The following LAMB2 variants were observed in gnomAD, a reference collection of about 807,000 sequenced individuals.
LAMB2 encodes the protein laminin subunit beta-2.
Under a neutral mutation model 202.7 loss-of-function variants are expected in LAMB2, and 119 were observed. That is an observed-to-expected ratio of 0.59 (90% CI 0.51 to 0.68). LAMB2 has a LOEUF of 0.68. Among genes scored for constraint, LAMB2 ranks in the 30% least tolerant of loss-of-function variants. The pLI, the probability that LAMB2 is intolerant of heterozygous loss-of-function variation, is 0.00. For synonymous variants in LAMB2, 818 were observed against 902.2 expected (o/e 0.91, Z 1.67); for missense variants, 2,124 against 2,410.6 (o/e 0.88, Z 2.49).
In LAMB2 at chr3:49,132,587, CG is replaced by C; in HGVS notation, c.152del (p.Thr51ArgfsTer12). On this transcript the variant is annotated frameshift_variant, in exon 2 of 32. Transcript: ENST00000305544. LOFTEE classifies it high-confidence loss of function. The surrounding 1 kb of genome is among the most constrained non-coding windows in gnomAD (Gnocchi z 4.6). ...GCSRGSCYPA[T>X]GDLLVGRADR... The stretch of plus-strand genomic sequence containing the variant: ...CAGCTCGGCCCACCAGCAGGTCGCC[CG>C]TGGCGGGGTAGCAGCTTCCCCTGGA... 1 of 1,613,732 alleles carries C rather than the reference CG, an allele frequency of 6.2e-7. No homozygotes were observed. Among genetic ancestry groups the C allele is most frequent in the Non-Finnish European group, 8.5e-7 (1 of 1,180,016 alleles).
rs2045456802 is a variant in LAMB2, at chr3:49,129,303, G to A, written c.1540C>T (p.His514Tyr). The change falls in exon 12 of 32, where the codon CAC becomes TAC. Residue 514 changes from histidine to tyrosine, a missense_variant. Around this residue, in one of 3 missense-constraint regions of LAMB2, gnomAD observed 1,702 missense variants for 1,896.3 expected, o/e 0.90. Coordinates refer to ENST00000305544, the MANE Select transcript of LAMB2 (RefSeq NM_002292.4). This position sits in a 1 kb window ranked among gnomAD's most constrained non-coding sequence, Gnocchi z 6.1. The stretch of plus-strand genomic sequence containing the variant: ...CAGGGGCGGCAGCCGAGCAGGTCGT[G>A]GCTCAGGCCCCAGTGGCCAGGCTGC... ...RCLPGHWGLS[H>Y]DLLGCRPCDC... 4 of 1,613,148 alleles carry A rather than the reference G, an allele frequency of 2.5e-6. No individual in the cohort carries two copies. Among genetic ancestry groups the A allele is most frequent in the Non-Finnish European group, 3.4e-6 (4 of 1,179,670 alleles).
rs1283128849 is a variant in LAMB2 at position 49,131,167 on chromosome 3, G to A, written c.713-15C>T. ...CTTCAACAGGTCTGAGGCGGGGGAA[G>A]GGGGGCCAACTGACCAGGCAGGCCC... is the stretch of plus-strand genomic sequence containing the variant. On this transcript the variant is annotated splice_polypyrimidine_tract_variant and intron_variant, in intron 6 of 31. Coordinates refer to ENST00000305544, the MANE Select transcript of LAMB2 (RefSeq NM_002292.4). This position sits in a 1 kb window ranked among gnomAD's most constrained non-coding sequence, Gnocchi z 5.0. The A allele has an allele frequency of 2.5e-6, 4 of 1,611,838 alleles. No individual in the cohort carries two copies. The South Asian group carries it at 4.4e-5, about 18-fold the overall frequency.
At chr3:49,122,443 G>A (rs949884074) in intron 27 of LAMB2, 73 bp from the exon 28 acceptor site, 1 of 1,382,952 alleles carries the variant, frequency 7.2e-7, no homozygotes, top group Non-Finnish European at 1.0e-6. Context: ...TTTGGGGTAT[G>A]GACTCAGGAC....
chr3:49,123,815 T>A lies in LAMB2; in HGVS notation c.3710A>T (p.Lys1237Met). The A allele has an allele frequency of 6.2e-7, 1 of 1,613,276 alleles. No individual in the cohort carries two copies. Among genetic ancestry groups the A allele is most frequent in the Non-Finnish European group, 8.5e-7 (1 of 1,179,940 alleles). Residue 1237 changes from lysine to methionine, a missense_variant, in exon 24 of 32, where the codon AAG becomes ATG. Physicochemically the swap from Lys to Met is moderately conservative, Grantham distance 95. This residue lies in a region of LAMB2 where 1,702 missense variants were observed against 1,896.3 expected (regional missense o/e 0.90). Transcript: ENST00000305544. ...FESSFWHMQE[K>M]LGIVQGIVGA... ...TACGATGCCCTGCACAATGCCCAGC[T>A]TCTCCTGCATGTGCCAGAAGCTGCT...
At position 49,131,219 on chromosome 3, in the gene LAMB2, T is replaced by C. The variant is rs1479991978; in HGVS notation, c.713-67A>G. On this transcript the variant is annotated intron_variant, in intron 6 of 31. Transcript: ENST00000305544. This position sits in a 1 kb window ranked among gnomAD's most constrained non-coding sequence, Gnocchi z 5.0. Reference sequence around the variant, plus strand: ...TGCTGCCCCATGTCCACCCAGGGGCTCAGCTGCCAAGGTCACCTTGAAAGA... The same window carrying C: ...TGCTGCCCCATGTCCACCCAGGGGCCCAGCTGCCAAGGTCACCTTGAAAGA... 6.5e-7 allele frequency: 1 copy of C among 1,533,948 alleles called. No individual in the cohort carries two copies. Among genetic ancestry groups the C allele is most frequent in the Non-Finnish European group, 9.0e-7 (1 of 1,112,642 alleles).
In LAMB2 at chr3:49,132,505, C is replaced by T. The variant is rs772271317; in HGVS notation, c.235G>A (p.Val79Ile). Reference protein sequence around the residue: ...GLNGPQPYCIVSHLQDEKKCF... With the variant: ...GLNGPQPYCIISHLQDEKKCF... ...CCCAGCCACACCTGCAGGTGACTGA[C>T]GATGCAGTAGGGCTGGGGGCCATTC... The change falls in exon 2 of 32, where the codon GTC (valine) becomes ATC (isoleucine). Residue 79 changes from valine to isoleucine, a missense_variant. Around this residue, in one of 3 missense-constraint regions of LAMB2, gnomAD observed 166 missense variants for 158.2 expected, o/e 1.05. Coordinates refer to ENST00000305544, the MANE Select transcript of LAMB2 (RefSeq NM_002292.4). This position sits in a 1 kb window ranked among gnomAD's most constrained non-coding sequence, Gnocchi z 4.6. The T allele has an allele frequency of 9.3e-6, 15 of 1,613,816 alleles. No individual in the cohort carries two copies. Among genetic ancestry groups the T allele is most frequent in the African/African-American group, 5.3e-5 (4 of 74,946 alleles).
Position 49,123,233 on chromosome 3 carries a change from G to C in LAMB2, c.4123C>G (p.Gln1375Glu), listed in dbSNP as rs2045370238. 6.2e-7 allele frequency: 1 copy of C among 1,613,922 alleles called. No homozygotes were observed. Among genetic ancestry groups the C allele is most frequent in the African/African-American group, 1.3e-5 (1 of 74,940 alleles). ...TGTTTGCTGTTGAAGTCCTCCTTCT[G>C]AGCATCCATCAGTGCCTCTGTCCGA... ...RHRTEALMDAQKEDFNSKHMA... is the reference protein window; with the variant it reads ...RHRTEALMDAEKEDFNSKHMA... Residue 1375 changes from glutamine to glutamate, a missense_variant, in exon 26 of 32, where the codon CAG (glutamine) becomes GAG (glutamate). Physicochemically the swap from Gln to Glu is conservative, Grantham distance 29. Around this residue, in one of 3 missense-constraint regions of LAMB2, gnomAD observed 1,702 missense variants for 1,896.3 expected, o/e 0.90. Transcript: ENST00000305544.
chr3:49,125,300 G>C lies in LAMB2; in HGVS notation c.2673C>G (p.Gly891=), dbSNP rs144092322. 1 of 1,613,914 alleles carries C rather than the reference G, an allele frequency of 6.2e-7. No homozygotes were observed. Among genetic ancestry groups the C allele is most frequent in the South Asian group, 1.1e-5 (1 of 91,086 alleles). Residue 891 remains glycine, a synonymous_variant, in exon 19 of 32, where the codon GGC becomes GGG. Transcript: ENST00000305544. ...TGTGATCACGGCAGCCCAGGCAAGC[G>C]CCTGTGTGGGTGTTGCACTCATCTG... is the stretch of plus-strand genomic sequence containing the variant. ...GHADECNTHT[G]ACLGCRDHTG...
Position 49,131,190 on chromosome 3 carries a change from C to T in LAMB2, c.713-38G>A, listed in dbSNP as rs1236998573. The stretch of plus-strand genomic sequence containing the variant: ...AAGGGGGGCCAACTGACCAGGCAGG[C>T]CCTTGCTGCCCCATGTCCACCCAGG... On this transcript the variant is annotated intron_variant, in intron 6 of 31. Coordinates refer to ENST00000305544, the MANE Select transcript of LAMB2 (RefSeq NM_002292.4). The surrounding 1 kb of genome is among the most constrained non-coding windows in gnomAD (Gnocchi z 5.0). 9 of 1,593,338 alleles carry T rather than the reference C, an allele frequency of 5.6e-6. No individual in the cohort carries two copies. The highest frequency in any genetic ancestry group is 7.7e-6 in the Non-Finnish European group (9 of 1,163,738).
In LAMB2 at chr3:49,131,770, C is replaced by G. The variant is rs572199733; in HGVS notation, c.460-47G>C. The G allele has an allele frequency of 6.3e-6, 10 of 1,596,692 alleles. No individual in the cohort carries two copies. The South Asian group carries it at 9.9e-5, about 16-fold the overall frequency. On this transcript the variant is annotated intron_variant, in intron 4 of 31. Transcript: ENST00000305544. This position sits in a 1 kb window ranked among gnomAD's most constrained non-coding sequence, Gnocchi z 5.0. ...ATCAGCAGGCACCAGGACCCAAGCC[C>G]AACCCAGAGCCATCAAGAGCCCTGC...
chr3:49,130,566 C>T lies in LAMB2; in HGVS notation c.1037-147G>A. On this transcript the variant is annotated intron_variant, in intron 8 of 31. Coordinates refer to ENST00000305544, the MANE Select transcript of LAMB2 (RefSeq NM_002292.4). The surrounding 1 kb of genome is among the most constrained non-coding windows in gnomAD (Gnocchi z 5.0). ...AAGGCCTCAGCATCATACTGGTTCC[C>T]TACCCAGAGCAGACTGCAGAGGAGG... The T allele has an allele frequency of 5.2e-6, 7 of 1,343,282 alleles. No homozygotes were observed. Among genetic ancestry groups the T allele is most frequent in the Non-Finnish European group, 7.4e-6 (7 of 944,848 alleles). The allele number at this position is 1,343,282 out of a possible 1,614,324, so 83.2% of individuals were successfully genotyped here. A position where few individuals can be genotyped will look rare whatever the true frequency, so the allele number is the denominator to read the frequency against.
Position 49,122,261 on chromosome 3 carries a change from C to A in LAMB2, c.4683G>T (p.Glu1561Asp), listed in dbSNP as rs145478482. ...CCACATCTGCCAGGCTCCGGACTCG[C>A]TCTGCAATCGCACCCGCCAGGTGCT... ...QIQHLAGAIA[E>D]RVRSLADVDA... Residue 1561 changes from glutamate to aspartate, a missense_variant, in exon 28 of 32, where the codon GAG becomes GAT. Physicochemically the swap from Glu to Asp is conservative, Grantham distance 45. Transcript: ENST00000305544. 6.2e-7 allele frequency: 1 copy of A among 1,613,538 alleles called. No individual in the cohort carries two copies. Among genetic ancestry groups the A allele is most frequent in the African/African-American group, 1.3e-5 (1 of 75,064 alleles).
At position 49,132,181 on chromosome 3, in the gene LAMB2, CAGGGATACCTGGGACAGGA is replaced by C. The variant is rs1440884580; in HGVS notation, c.386-11_393del. On this transcript the variant is annotated splice_acceptor_variant and splice_polypyrimidine_tract_variant and coding_sequence_variant and intron_variant, in exon 4 of 32. Transcript: ENST00000305544. LOFTEE classifies it high-confidence loss of function. The surrounding 1 kb of genome is among the most constrained non-coding windows in gnomAD (Gnocchi z 4.6). ...TCCAGGTCCAGCTGGATGGTGACCG[CAGGGATACCTGGGACAGGA>C]ATCGGAAGTCAAGGACTCAAAGCTA... 6.2e-7 allele frequency: 1 copy of C among 1,614,172 alleles called. No individual in the cohort carries two copies. The highest frequency in any genetic ancestry group is 1.3e-5 in the African/African-American group (1 of 75,042).
Position 49,132,658 on chromosome 3 carries a change from C to T in LAMB2, c.82G>A (p.Ala28Thr), listed in dbSNP as rs1259349624. ...GCAGGGGCCTGTGCCAGTGTGGCAGCCAGCACTGGGGACAGTAGCTCAGTC... is the reference window on the plus strand; with the variant it reads ...GCAGGGGCCTGTGCCAGTGTGGCAGTCAGCACTGGGGACAGTAGCTCAGTC... ...LRLGLLLSVL[A>T]ATLAQAPAPD... The change falls in exon 2 of 32, where the codon GCT becomes ACT. Residue 28 changes from alanine (A) to threonine (T), a missense_variant. By Grantham distance (58) the Ala-to-Thr change is moderately conservative (BLOSUM62 0). Coordinates refer to ENST00000305544, the MANE Select transcript of LAMB2 (RefSeq NM_002292.4). This position sits in a 1 kb window ranked among gnomAD's most constrained non-coding sequence, Gnocchi z 4.6. 4 of 1,614,146 alleles carry T rather than the reference C, an allele frequency of 2.5e-6. No individual in the cohort carries two copies. The highest frequency in any genetic ancestry group is 2.2e-5 in the East Asian group (1 of 44,894).
rs373091402 is a variant in LAMB2 at position 49,130,441 on chromosome 3, G to A, written c.1037-22C>T. The A allele has an allele frequency of 5.6e-5, 90 of 1,613,540 alleles. No individual in the cohort carries two copies. Among genetic ancestry groups the A allele is most frequent in the Non-Finnish European group, 7.5e-5 (88 of 1,179,870 alleles). The stretch of plus-strand genomic sequence containing the variant: ...CACTCTGGCAGGGGAGGAAGGGCAG[G>A]GCAAAGGCCACATGAGGAACCAGGT... On this transcript the variant is annotated intron_variant, in intron 8 of 31. Transcript: ENST00000305544. This position sits in a 1 kb window ranked among gnomAD's most constrained non-coding sequence, Gnocchi z 5.0.
At position 49,125,763 on chromosome 3, in the gene LAMB2, G is replaced by A. The variant is rs768086232; in HGVS notation, c.2472C>T (p.Gly824=). ...DLCAPGYYGF[G]PTGCQACQCS... is the part of the protein sequence containing the mutation. ...GAAGAGTACCTTGACAGCCTGTGGG[G>A]CCAAAGCCATAGTAGCCAGGGGCAC... The change falls in exon 18 of 32, where the codon GGC becomes GGT. Residue 824 remains glycine (G), a synonymous_variant. Transcript: ENST00000305544. 6.2e-7 allele frequency: 1 copy of A among 1,614,016 alleles called. No homozygotes were observed. The highest frequency in any genetic ancestry group is 1.7e-5 in the Admixed American group (1 of 60,022).
Position 49,129,396 on chromosome 3 carries a change from A to C in LAMB2, c.1519-72T>G. On this transcript the variant is annotated intron_variant, in intron 11 of 31. Coordinates refer to ENST00000305544, the MANE Select transcript of LAMB2 (RefSeq NM_002292.4). The surrounding 1 kb of genome is among the most constrained non-coding windows in gnomAD (Gnocchi z 6.1). ...CATCACCACCCAGCAGGAAATCCCA[A>C]CCACACGTCTTAGCCTCAATCACCC... The C allele has an allele frequency of 7.3e-7, 1 of 1,371,492 alleles. No homozygotes were observed. Among genetic ancestry groups the C allele is most frequent in the Non-Finnish European group, 1.0e-6 (1 of 973,252 alleles). The allele number at this position is 1,371,492 out of a possible 1,614,324, so 85.0% of individuals were successfully genotyped here. A position where few individuals can be genotyped will look rare whatever the true frequency, so the allele number is the denominator to read the frequency against.
At chr3:49,126,572 T>C in intron 15 of LAMB2, 75 bp from the exon 16 acceptor site, 1 of 1,594,084 alleles carries the variant, frequency 6.3e-7, no homozygotes, top group Non-Finnish European at 8.6e-7. Context: ...CCCCCATCCT[T>C]CTCCCAGCAA....
chr3:49,131,302 C>A lies in LAMB2; in HGVS notation c.712+77G>T. On this transcript the variant is annotated intron_variant, in intron 6 of 31. Coordinates refer to ENST00000305544, the MANE Select transcript of LAMB2 (RefSeq NM_002292.4). The surrounding 1 kb of genome is among the most constrained non-coding windows in gnomAD (Gnocchi z 5.0). ...GCTTGGCACCTGCCCTAGGAAGCAC[C>A]CAAAATAGTTACTGAGGCCCCAAAT... is the stretch of plus-strand genomic sequence containing the variant. 1 of 1,548,440 alleles carries A rather than the reference C, an allele frequency of 6.5e-7. No individual in the cohort carries two copies. The highest frequency in any genetic ancestry group is 8.9e-7 in the Non-Finnish European group (1 of 1,126,320).
Sources: gnomAD v4.1 joint callset for allele counts on GRCh38, gnomAD v4.1.1 for gene constraint, gnomAD v4.1.1 regional missense constraint, Gnocchi (gnomAD v3.1) non-coding constraint, MANE v1.5 for transcripts, NCBI Gene and HGNC (gene_info 2026-07-23, HGNC 2026-07-21) for gene names.